Variants in NVL observed in about 807,000 individuals in gnomAD.
NVL encodes the protein nuclear valosin-containing protein-like.
NVL carries 84 observed loss-of-function variants against 110.2 expected under a neutral mutation model. That is an observed-to-expected ratio of 0.76 (90% CI 0.64 to 0.91). The LOEUF is 0.91. NVL is among the 40% of genes least tolerant of loss of function. NVL has a pLI of 0.00. For missense variants in NVL, 882 were observed against 1,035.9 expected (o/e 0.85, Z 2.04); for synonymous variants, 354 against 361.1 (o/e 0.98, Z 0.22).
chr1:224,295,232 G>A (rs952942390), intron 11 of NVL, among the ~76,000 whole-genome samples: 14 of 151,042 alleles, frequency 9.3e-5, no homozygotes, highest in Admixed American at 2.0e-4. Flanking sequence ...TCGCTCTGTC[G>A]CCCAGGCTGA....
In NVL at chr1:224,255,338, C is replaced by T. The variant is rs554706344; in HGVS notation, c.2183-5020G>A. Among the ~76,000 whole-genome samples, 3 of 151,838 alleles carry T rather than the reference C, an allele frequency of 2.0e-5. No homozygotes were observed. The South Asian group carries it at 6.3e-4, about 32-fold the overall frequency. Reference sequence around the variant, plus strand: ...CAGAGTAGCTGGGACTTACAGGTGCCCACCACCATGCTCAGCTAATTTCTT... The same window carrying T: ...CAGAGTAGCTGGGACTTACAGGTGCTCACCACCATGCTCAGCTAATTTCTT... On this transcript the variant is annotated intron_variant, in intron 18 of 22. Coordinates refer to ENST00000281701, the MANE Select transcript of NVL (RefSeq NM_002533.4).
At chr1:224,270,561 AAAACAAAC>A (rs201437756) in intron 17 of NVL, among the ~76,000 whole-genome samples, 2 of 152,144 alleles carry the variant, frequency 1.3e-5, no homozygotes, top group South Asian at 2.1e-4. Context: ...CTCAAAACAG[AAAACAAAC>A]AAACAAACAA....
intron 12 of NVL, among the ~76,000 whole-genome samples, chr1:224,293,390 T>C (rs1667569598): frequency 6.6e-6 from 1 of 152,134 alleles, no homozygotes. Flanking sequence ...TTAACTAGAT[T>C]TCCACTCTAC....
intron 15 of NVL, among the ~76,000 whole-genome samples, chr1:224,282,199 G>A (rs1666429086): frequency 6.6e-6 from 1 of 151,808 alleles, no homozygotes; most frequent in African/African-American, 2.4e-5. Context: ...CCGAGGAGCT[G>A]GGATTACAGG....
chr1:224,255,182 GTTT>G (rs34120278), intron 18 of NVL, among the ~76,000 whole-genome samples: 1 of 96,714 alleles, frequency 1.0e-5, no homozygotes, highest in African/African-American at 4.2e-5. Flanking sequence ...AATGGTGTAG[GTTT>G]TTTTTTTTTT....
intron 18 of NVL, among the ~76,000 whole-genome samples, chr1:224,252,237 C>T (rs1284999439): frequency 6.6e-5 from 10 of 152,046 alleles, no homozygotes; most frequent in Admixed American, 1.3e-4. Context: ...AGGAAGTTTT[C>T]CTTGAGTCCC....
intron 9 of NVL, among the ~76,000 whole-genome samples, chr1:224,300,958 A>G (rs1668340783): frequency 6.6e-6 from 1 of 152,118 alleles, no homozygotes; most frequent in African/African-American, 2.4e-5. Flanking sequence ...TACAAAAATT[A>G]GCCATGCATG....
At chr1:224,238,477 T>G (rs1364590592) in intron 19 of NVL, among the ~76,000 whole-genome samples, 1 of 152,226 alleles carries the variant, frequency 6.6e-6, no homozygotes, top group African/African-American at 2.4e-5. Flanking sequence ...AGCGTCTCAC[T>G]GCCTCCCAGC....
At chr1:224,325,588 C>T (rs1053222066) in intron 2 of NVL, among the ~76,000 whole-genome samples, 1 of 151,948 alleles carries the variant, frequency 6.6e-6, no homozygotes, top group Non-Finnish European at 1.5e-5. Flanking sequence ...ACAAAATTAC[C>T]CAGGTGTGGT....
At chr1:224,236,904 G>A (rs1055899125) in intron 19 of NVL, among the ~76,000 whole-genome samples, 2 of 152,100 alleles carry the variant, frequency 1.3e-5, no homozygotes, top group African/African-American at 4.8e-5. Context: ...GAGTGAGACT[G>A]AGTCTCAAAG....
intron 18 of NVL, among the ~76,000 whole-genome samples, chr1:224,262,474 C>A (rs1042164452): frequency 6.6e-6 from 1 of 151,760 alleles, no homozygotes; most frequent in Non-Finnish European, 1.5e-5. Context: ...TAAGTACCAG[C>A]AAAATGAGGG....
intron 5 of NVL, among the ~76,000 whole-genome samples, chr1:224,309,400 T>C (rs1669293821): frequency 6.6e-6 from 1 of 152,044 alleles, no homozygotes; most frequent in South Asian, 2.1e-4. Context: ...ATGCCTGTTA[T>C]CCTAGCTACT....
chr1:224,303,912 T>G, intron 8 of NVL, 55 bp from the exon 9 acceptor site: 1 of 1,534,722 alleles, frequency 6.5e-7, no homozygotes, highest in South Asian at 1.2e-5. Flanking sequence ...CAAAGTAGAA[T>G]GAAATGTCCT....
At chr1:224,247,670 A>G (rs940104412) in intron 19 of NVL, among the ~76,000 whole-genome samples, 2 of 149,728 alleles carry the variant, frequency 1.3e-5, no homozygotes, top group Non-Finnish European at 3.0e-5. Flanking sequence ...CTCTGTCTCA[A>G]AAAAAAAAAA....
At chr1:224,299,393 A>G (rs529096526) in intron 10 of NVL, among the ~76,000 whole-genome samples, 23 of 152,280 alleles carry the variant, frequency 1.5e-4, no homozygotes, top group South Asian at 4.1e-4. Context: ...ACTTGATTGG[A>G]TTTCACCTTT....
chr1:224,239,760 A>G (rs1368335601), intron 19 of NVL, among the ~76,000 whole-genome samples: 1 of 152,220 alleles, frequency 6.6e-6, no homozygotes, highest in Non-Finnish European at 1.5e-5. Context: ...AATTGTATTT[A>G]ATGAACTGGC....
intron 17 of NVL, among the ~76,000 whole-genome samples, chr1:224,268,554 G>A (rs112087974): frequency 0.056 from 8,497 of 152,082 alleles, 746 homozygotes; most frequent in African/African-American, 0.18. Flanking sequence ...CAGGCTGGTC[G>A]TGACCTCCTG....
chr1:224,296,556 C>T lies in NVL; in HGVS notation c.1125G>A (p.Val375=). The change falls in exon 11 of 23, where the codon GTG becomes GTA. Residue 375 remains valine (V), a synonymous_variant. Coordinates refer to ENST00000281701, the MANE Select transcript of NVL (RefSeq NM_002533.4). ...EIDAITPKRE[V]ASKDMERRIV... is the part of the protein sequence containing the mutation. Reference sequence around the variant, plus strand: ...TTCTTCGTTCCATATCTTTTGAAGCCACTTCTCTTTTGGGGGTAATAGCAT... The same window carrying T: ...TTCTTCGTTCCATATCTTTTGAAGCTACTTCTCTTTTGGGGGTAATAGCAT... The T allele has an allele frequency of 6.2e-7, 1 of 1,608,878 alleles. No homozygotes were observed. The highest frequency in any genetic ancestry group is 8.5e-7 in the Non-Finnish European group (1 of 1,177,726).
intron 16 of NVL, among the ~76,000 whole-genome samples, chr1:224,280,710 C>T (rs938728015): frequency 6.6e-6 from 1 of 152,160 alleles, no homozygotes; most frequent in Middle Eastern, 3.4e-3. Flanking sequence ...AAAATAAATT[C>T]AAAGTGTCTT....
Sources: gnomAD v4.1 joint callset for allele counts (sites outside exome capture counted in the v4.1 genomes callset) on GRCh38, gnomAD v4.1.1 for gene constraint, MANE v1.5 for transcripts, NCBI Gene and HGNC (gene_info 2026-07-23, HGNC 2026-07-21) for gene names.